Variants in TREM1 observed in about 807,000 individuals in gnomAD.
The protein encoded by TREM1 is triggering receptor expressed on monocytes 1.
A neutral mutation model predicts 22.4 loss-of-function variants in TREM1; 16 were observed. The ratio of observed to expected loss-of-function variants is 0.71; its 90% CI spans 0.48 to 1.08. The LOEUF is 1.08. Among genes scored for constraint, TREM1 ranks in the 50% least tolerant of loss-of-function variants. The pLI, the probability that TREM1 is intolerant of heterozygous loss-of-function variation, is 0.00. For missense variants in TREM1, 283 were observed against 282.9 expected, an observed-to-expected ratio of 1.00 and a Z score of 0.00; for synonymous variants, 110 against 111.6, an observed-to-expected ratio of 0.99 and a Z score of 0.09.
chr6:41,267,881 C>G, downstream of TREM1: 1 of 398,346 alleles, frequency 2.5e-6, no homozygotes, highest in Non-Finnish European at 4.4e-6. Context: ...AAAGCTAAAA[C>G]AAAAACACAG....
intron 2 of TREM1, 62 bp from the exon 3 acceptor site, chr6:41,281,215 G>A (rs2113987271): frequency 6.4e-7 from 1 of 1,561,790 alleles, no homozygotes; most frequent in East Asian, 2.3e-5. Context: ...TGGATGGGTG[G>A]GTGAATGGAT....
At chr6:41,283,540 C>T (rs1422018243) in intron 1 of TREM1, among the ~76,000 whole-genome samples, 6 of 151,942 alleles carry the variant, frequency 3.9e-5, no homozygotes, top group Non-Finnish European at 7.4e-5. Flanking sequence ...TGAAACCTTG[C>T]CTCTACTAAA....
chr6:41,267,413 A>AT (rs1195025867), downstream of TREM1, among the ~76,000 whole-genome samples: 1 of 152,204 alleles, frequency 6.6e-6, no homozygotes, highest in South Asian at 2.1e-4. Context: ...TTAATTGCAG[A>AT]TTTTTTTCTA....
At chr6:41,272,031 C>G (rs1397308685), downstream of TREM1, among the ~76,000 whole-genome samples, 3 of 152,234 alleles carry the variant, frequency 2.0e-5, no homozygotes, top group African/African-American at 7.2e-5. Flanking sequence ...GGCCCAGGGC[C>G]TCTTGTAGTT....
chr6:41,280,470 C>T (rs945867935), intron 3 of TREM1: 1 of 1,009,446 alleles, frequency 9.9e-7, no homozygotes, highest in Non-Finnish European at 1.2e-6. Flanking sequence ...AGCCCCAGCT[C>T]CAGCTCCTGC....
chr6:41,278,899 C>G (rs1767784297), intron 3 of TREM1, among the ~76,000 whole-genome samples: 1 of 152,138 alleles, frequency 6.6e-6, no homozygotes, highest in African/African-American at 2.4e-5. Context: ...GGCAAGAAAT[C>G]TAGGATGGAT....
chr6:41,279,969 C>G (rs902552787), intron 3 of TREM1: 2 of 978,186 alleles, frequency 2.0e-6, no homozygotes, highest in African/African-American at 3.5e-5. Context: ...TGTCTAAGAA[C>G]AGGCCAATGG....
In TREM1 at chr6:41,274,581, A is replaced by G. The variant is rs1421203285; in HGVS notation, c.*1544T>C. ...GGAAAATAAATGCACCAAGATTAAC[A>G]GCTTCTGGATCTAGTGCGTCTGCAA... is the stretch of plus-strand genomic sequence containing the variant. On this transcript the variant is annotated 3_prime_UTR_variant, in exon 4 of 4. Coordinates refer to ENST00000244709, the MANE Select transcript of TREM1 (RefSeq NM_018643.5). Among the ~76,000 whole-genome samples, 1 of 152,102 alleles carries G rather than the reference A, an allele frequency of 6.6e-6. No homozygotes were observed. The highest frequency in any genetic ancestry group is 1.5e-5 in the Non-Finnish European group (1 of 68,018).
chr6:41,280,594 G>A lies in TREM1; in HGVS notation c.599+367C>T. 3 of 1,245,480 alleles carry A rather than the reference G, an allele frequency of 2.4e-6. No individual in the cohort carries two copies. In the South Asian group the frequency reaches 6.8e-5, roughly 28 times the overall value. The allele number at this position is 1,245,480 out of a possible 1,614,324, so 77.2% of individuals were successfully genotyped here. A position where few individuals can be genotyped will look rare whatever the true frequency, so the allele number is the denominator to read the frequency against. ...CCTGACTCACCCAAAGTCACATTCA[G>A]TTAGTCAGGCCAACACTAGATCCAG... On this transcript the variant is annotated intron_variant, in intron 3 of 3. Coordinates refer to ENST00000244709, the MANE Select transcript of TREM1 (RefSeq NM_018643.5).
At chr6:41,269,436 C>A (rs1289082511), downstream of TREM1, among the ~76,000 whole-genome samples, 2 of 152,322 alleles carry the variant, frequency 1.3e-5, no homozygotes, top group African/African-American at 4.8e-5. Flanking sequence ...TAAGTCCCAG[C>A]TGCACCACTT....
chr6:41,282,831 T>A, intron 1 of TREM1, 80 bp from the exon 2 acceptor site: 1 of 1,294,340 alleles, frequency 7.7e-7, no homozygotes, highest in Non-Finnish European at 1.1e-6. Context: ...AGGAGCCCCC[T>A]GTTTTTCTTG....
intron 1 of TREM1, among the ~76,000 whole-genome samples, chr6:41,285,582 G>A (rs1241631556): frequency 6.6e-6 from 1 of 152,176 alleles, no homozygotes; most frequent in East Asian, 1.9e-4. Flanking sequence ...CAGTTGCAAG[G>A]AGCATTGAGG....
intron 1 of TREM1, among the ~76,000 whole-genome samples, chr6:41,286,063 G>A (rs1027878214): frequency 3.3e-5 from 5 of 152,220 alleles, no homozygotes; most frequent in South Asian, 4.1e-4. Flanking sequence ...CGCCGGCTCT[G>A]CTGAGCCTCA....
chr6:41,282,321 G>C (rs1429154010), intron 2 of TREM1, 74 bp downstream of exon 2: 1 of 1,210,914 alleles, frequency 8.3e-7, no homozygotes, highest in Non-Finnish European at 1.2e-6. Context: ...CTGAACCCCA[G>C]CTCTGCTGAT....
At chr6:41,284,367 T>A (rs1435343922) in intron 1 of TREM1, among the ~76,000 whole-genome samples, 1 of 152,122 alleles carries the variant, frequency 6.6e-6, no homozygotes, top group Non-Finnish European at 1.5e-5. Context: ...ACAGTGACAA[T>A]AGTTTCCATC....
intron 1 of TREM1, among the ~76,000 whole-genome samples, chr6:41,285,803 T>C (rs1042878913): frequency 2.0e-5 from 3 of 152,186 alleles, no homozygotes; most frequent in African/African-American, 7.2e-5. Flanking sequence ...CCCAGAGCAA[T>C]GTCTGAGCAC....
intron 3 of TREM1, chr6:41,279,777 G>A: frequency 5.1e-6 from 5 of 985,430 alleles, no homozygotes; most frequent in Non-Finnish European, 6.0e-6. Context: ...CTTTATTTAT[G>A]CTTAATGGAT....
At position 41,276,186 on chromosome 6, in the gene TREM1, A is replaced by C; in HGVS notation, c.644T>G (p.Leu215Arg). The C allele has an allele frequency of 6.2e-7, 1 of 1,614,164 alleles. No individual in the cohort carries two copies. Among genetic ancestry groups the C allele is most frequent in the Non-Finnish European group, 8.5e-7 (1 of 1,180,016 alleles). Reference sequence around the variant, plus strand: ...GACAGAGAAGACCAGGCTCTTACTCAGGAATCCACCAGCCAGGAGAATGAC... The same window carrying C: ...GACAGAGAAGACCAGGCTCTTACTCCGGAATCCACCAGCCAGGAGAATGAC... ...NIVILLAGGFLSKSLVFSVLF... is the reference protein window; with the variant it reads ...NIVILLAGGFRSKSLVFSVLF... Residue 215 changes from leucine (L) to arginine (R), a missense_variant, in exon 4 of 4, where the codon CTG (leucine) becomes CGG (arginine). Leu to Arg is a moderately radical substitution (Grantham distance 102). Coordinates refer to ENST00000244709, the MANE Select transcript of TREM1 (RefSeq NM_018643.5).
Position 41,275,912 on chromosome 6 carries a change from C to T in TREM1, c.*213G>A, listed in dbSNP as rs1339397996. 10 of 578,136 alleles carry T rather than the reference C, an allele frequency of 1.7e-5. No individual in the cohort carries two copies. Among genetic ancestry groups the T allele is most frequent in the Non-Finnish European group, 2.2e-5 (7 of 323,348 alleles). 35.8% of individuals were successfully genotyped at this position (578,136 alleles called of 1,614,324 possible). On this transcript the variant is annotated 3_prime_UTR_variant, in exon 4 of 4. Coordinates refer to ENST00000244709, the MANE Select transcript of TREM1 (RefSeq NM_018643.5). Reference sequence around the variant, plus strand: ...GGACCAAGCATGTTTGGGGCTGTAACTTCTTTTCTGAGGCACAAATGCCCA... The same window carrying T: ...GGACCAAGCATGTTTGGGGCTGTAATTTCTTTTCTGAGGCACAAATGCCCA...
Sources: allele counts gnomAD v4.1 joint callset (sites outside exome capture counted in the v4.1 genomes callset), GRCh38; gene constraint gnomAD v4.1.1; transcripts MANE v1.5; gene names NCBI Gene and HGNC (gene_info 2026-07-23, HGNC 2026-07-21).